AKAP19: variants seen among roughly 807,000 people sequenced by gnomAD.
The protein encoded by AKAP19 is small A-kinase anchoring protein.
chr2:190,040,850 T>C, the AKAP19 span, among the ~76,000 whole-genome samples: 1 of 152,186 alleles, frequency 6.6e-6, no homozygotes, highest in Non-Finnish European at 1.5e-5. Context: ...GCCTTATTTC[T>C]GGGCTCTCTA....
chr2:190,121,914 A>G, the AKAP19 span, among the ~76,000 whole-genome samples: 1 of 152,106 alleles, frequency 6.6e-6, no homozygotes, highest in Non-Finnish European at 1.5e-5. Flanking sequence ...GTTTGTTTTA[A>G]CTAAGTGATG....
the AKAP19 span, among the ~76,000 whole-genome samples, chr2:190,087,979 CA>C: frequency 6.6e-6 from 1 of 151,870 alleles, no homozygotes; most frequent in Non-Finnish European, 1.5e-5. Flanking sequence ...CGGACACACA[CA>C]AAAAAGTAGA....
chr2:190,030,111 G>A, the AKAP19 span, among the ~76,000 whole-genome samples: 2 of 152,182 alleles, frequency 1.3e-5, no homozygotes, highest in East Asian at 3.9e-4. Context: ...ATCAGATAAG[G>A]TAATATTTAA....
the AKAP19 span, among the ~76,000 whole-genome samples, chr2:189,968,114 C>G: frequency 1.3e-5 from 2 of 151,312 alleles, no homozygotes; most frequent in Non-Finnish European, 2.9e-5. Flanking sequence ...GTACTTAATT[C>G]AAAGGTAGAT....
chr2:189,903,700 A>G, the AKAP19 span, among the ~76,000 whole-genome samples: 164 of 152,104 alleles, frequency 1.1e-3, 1 homozygote, highest in South Asian at 6.8e-3. Context: ...ACATGGCACT[A>G]TTATATGATG....
chr2:189,997,149 C>T, the AKAP19 span, among the ~76,000 whole-genome samples: 39 of 152,190 alleles, frequency 2.6e-4, no homozygotes, highest in Admixed American at 1.3e-3. Context: ...GTGGAGTTAG[C>T]TGTTGGTTTC....
the AKAP19 span, among the ~76,000 whole-genome samples, chr2:189,966,623 C>T: frequency 8.5e-5 from 13 of 152,158 alleles, no homozygotes; most frequent in East Asian, 1.4e-3. Context: ...ATTCTGGTGG[C>T]GGTTAGACAA....
the AKAP19 span, among the ~76,000 whole-genome samples, chr2:190,182,161 A>T: frequency 6.6e-6 from 1 of 152,184 alleles, no homozygotes; most frequent in African/African-American, 2.4e-5. Context: ...AGTGACAGGA[A>T]GCTCATTACA....
chr2:189,988,855 G>A, the AKAP19 span, among the ~76,000 whole-genome samples: 1 of 152,146 alleles, frequency 6.6e-6, no homozygotes, highest in South Asian at 2.1e-4. Context: ...GAAGTTCTTT[G>A]TGCAACTTCT....
At chr2:190,017,694 A>G in the AKAP19 span, among the ~76,000 whole-genome samples, 5 of 152,176 alleles carry the variant, frequency 3.3e-5, no homozygotes, top group African/African-American at 1.2e-4. Flanking sequence ...TTTACACACC[A>G]CTATTACAGT....
chr2:190,016,739 T>C, the AKAP19 span, among the ~76,000 whole-genome samples: 1 of 152,222 alleles, frequency 6.6e-6, no homozygotes, highest in African/African-American at 2.4e-5. Context: ...CCATGGGTGC[T>C]TAAGAATAAT....
At chr2:190,006,474 C>T in the AKAP19 span, among the ~76,000 whole-genome samples, 1 of 151,070 alleles carries the variant, frequency 6.6e-6, no homozygotes, top group Non-Finnish European at 1.5e-5. Context: ...GGTGAAATCC[C>T]GTCTCTACTA....
the AKAP19 span, among the ~76,000 whole-genome samples, chr2:189,986,799 C>T: frequency 1.3e-5 from 2 of 152,084 alleles, no homozygotes; most frequent in Admixed American, 6.6e-5. Context: ...TGAGATAAGA[C>T]TATGGCTCAA....
At chr2:189,923,784 G>A in the AKAP19 span, 1 of 1,612,866 alleles carries the variant, frequency 6.2e-7, no homozygotes, top group Non-Finnish European at 8.5e-7. Context: ...CGTGTATCAG[G>A]AAACACTTCA....
chr2:189,902,153 A>T, the AKAP19 span, among the ~76,000 whole-genome samples: 1 of 151,932 alleles, frequency 6.6e-6, no homozygotes, highest in Non-Finnish European at 1.5e-5. Flanking sequence ...TTCTGTGAAG[A>T]CTAGGAGATT....
chr2:189,994,930 A>G, the AKAP19 span, among the ~76,000 whole-genome samples: 3 of 152,190 alleles, frequency 2.0e-5, no homozygotes, highest in South Asian at 4.2e-4. Flanking sequence ...CATTATTTGT[A>G]TAGTTTTGAG....
At chr2:189,922,022 A>G in the AKAP19 span, among the ~76,000 whole-genome samples, 4 of 152,378 alleles carry the variant, frequency 2.6e-5, no homozygotes, top group African/African-American at 9.6e-5. Flanking sequence ...GGATGAGCAC[A>G]TAGCAGAAAG....
the AKAP19 span, among the ~76,000 whole-genome samples, chr2:190,080,842 C>G: frequency 6.6e-6 from 1 of 152,134 alleles, no homozygotes; most frequent in Non-Finnish European, 1.5e-5. Context: ...TTACAAACCT[C>G]TACTACTACA....
the AKAP19 span, chr2:190,056,320 T>C: frequency 6.6e-6 from 1 of 152,556 alleles, no homozygotes; most frequent in African/African-American, 2.4e-5. Context: ...AAATGCATTG[T>C]TTCAGTCTTT....
Sources: allele counts gnomAD v4.1 joint callset (sites outside exome capture counted in the v4.1 genomes callset), GRCh38; gene constraint gnomAD v4.1.1; transcripts MANE v1.5; gene names NCBI Gene and HGNC (gene_info 2026-07-23, HGNC 2026-07-21).